The following GARNL3 variants were observed in gnomAD, a reference collection of about 807,000 sequenced individuals.
GARNL3 encodes the protein GTPase activating Rap/RanGAP domain like 3, also known as GTPase-activating Rap/Ran-GAP domain-like protein 3.
GARNL3 carries 63 observed loss-of-function variants against 125.0 expected under a neutral mutation model. That is an observed-to-expected ratio of 0.50 (90% CI 0.41 to 0.62). GARNL3 has a LOEUF of 0.62. Ranked by LOEUF, GARNL3 falls within the 20% of genes least tolerant of loss-of-function variation. The probability of loss-of-function intolerance (pLI) is 0.00; values close to 1 mark genes in which losing one functional copy is unlikely to be tolerated. For missense variants in GARNL3, 994 were observed against 1,244.0 expected (o/e 0.80, Z 3.02); for synonymous variants, 439 against 457.5 (o/e 0.96, Z 0.52).
intron 2 of GARNL3, among the ~76,000 whole-genome samples, 187 bp from the exon 3 acceptor site, chr9:127,311,449 G>C (rs2065096105): frequency 1.3e-5 from 2 of 152,114 alleles, no homozygotes; most frequent in Admixed American, 1.3e-4. Flanking sequence ...CACCCCAAAG[G>C]CCTCCTGGAT....
At chr9:127,368,495 C>T (rs1295267052) in intron 22 of GARNL3, among the ~76,000 whole-genome samples, 1 of 151,326 alleles carries the variant, frequency 6.6e-6, no homozygotes, top group Non-Finnish European at 1.5e-5. Flanking sequence ...CACACCCGGC[C>T]AATTTTGTAT....
At chr9:127,286,378 A>G (rs1417278145) in intron 1 of GARNL3, among the ~76,000 whole-genome samples, 1 of 152,184 alleles carries the variant, frequency 6.6e-6, no homozygotes, top group Non-Finnish European at 1.5e-5. Flanking sequence ...TTAGTAGAGA[A>G]CCTTGCTAGA....
intron 12 of GARNL3, 80 bp downstream of exon 12, chr9:127,338,241 A>T (rs1829661688): frequency 9.1e-7 from 1 of 1,103,830 alleles, no homozygotes; most frequent in African/African-American, 1.5e-5. Context: ...AAGACTCTTG[A>T]TATACATATT....
At chr9:127,244,581 G>T (rs2063263988) in intron 2 of GARNL3, among the ~76,000 whole-genome samples, 1 of 152,202 alleles carries the variant, frequency 6.6e-6, no homozygotes, top group Non-Finnish European at 1.5e-5. Flanking sequence ...TGTGGTAGAC[G>T]TTGAGAAACG....
chr9:127,259,588 T>C (rs1478191787), upstream of GARNL3, among the ~76,000 whole-genome samples: 1 of 152,212 alleles, frequency 6.6e-6, no homozygotes, highest in Non-Finnish European at 1.5e-5. Context: ...TCCTCAGCGC[T>C]GCCCTGGGAA....
chr9:127,335,121 T>C, intron 9 of GARNL3, 109 bp from the exon 10 acceptor site: 1 of 756,124 alleles, frequency 1.3e-6, no homozygotes, highest in Non-Finnish European at 2.3e-6. Context: ...ATAATCCAAA[T>C]ATCTTGGAGA....
chr9:127,383,541 A>C lies in GARNL3; in HGVS notation c.2265A>C (p.Ala755=). The change falls in exon 23 of 28, where the codon GCA becomes GCC. Residue 755 remains alanine, a synonymous_variant. Transcript: ENST00000373387. The part of the protein sequence containing the change: ...FQFCWNQAPY[A]IVCAFPYLLA... ...TCTGTTGGAACCAGGCTCCCTATGC[A>C]ATTGGTAAGAAAAGTCTTTATCATA... 1 of 1,603,670 alleles carries C rather than the reference A, an allele frequency of 6.2e-7. No individual in the cohort carries two copies. Among genetic ancestry groups the C allele is most frequent in the Non-Finnish European group, 8.5e-7 (1 of 1,172,654 alleles).
intron 1 of GARNL3, among the ~76,000 whole-genome samples, chr9:127,275,859 G>A (rs1424356783): frequency 6.6e-6 from 1 of 152,004 alleles, no homozygotes; most frequent in Non-Finnish European, 1.5e-5. Context: ...CTTTTTAATT[G>A]GTCTATTGCA....
At chr9:127,331,697 A>G (rs1829250463) in intron 7 of GARNL3, among the ~76,000 whole-genome samples, 1 of 84,182 alleles carries the variant, frequency 1.2e-5, no homozygotes, top group African/African-American at 4.1e-5. Context: ...TGTACCAGCT[A>G]CTGCTTGCTT....
chr9:127,300,272 CA>C, intron 2 of GARNL3: 1 of 252,690 alleles, frequency 4.0e-6, no homozygotes, highest in Non-Finnish European at 8.2e-6. Context: ...AGATCAATTT[CA>C]AAAGTTAGAG....
At chr9:127,339,506 A>G (rs1448779161) in intron 12 of GARNL3, 139 bp from the exon 13 acceptor site, 2 of 643,008 alleles carry the variant, frequency 3.1e-6, no homozygotes, top group Non-Finnish European at 5.6e-6. Context: ...ACTGGCCCCC[A>G]TGATTCAGTT....
chr9:127,315,212 A>C (rs2065207001), intron 4 of GARNL3, among the ~76,000 whole-genome samples: 1 of 152,230 alleles, frequency 6.6e-6, no homozygotes, highest in Admixed American at 6.5e-5. Context: ...GCATTGGCAC[A>C]AGGGGTCAGT....
intron 1 of GARNL3, among the ~76,000 whole-genome samples, chr9:127,239,668 G>T (rs895739079): frequency 2.0e-5 from 3 of 152,138 alleles, no homozygotes; most frequent in African/African-American, 7.2e-5. Flanking sequence ...TTTAAATAGT[G>T]AGAAGATAAA....
chr9:127,358,966 T>G, intron 21 of GARNL3, among the ~76,000 whole-genome samples: 1 of 152,040 alleles, frequency 6.6e-6, no homozygotes, highest in South Asian at 2.1e-4. Context: ...TATCAGAATC[T>G]GGGGGGGTGT....
In GARNL3 at chr9:127,354,307, C is replaced by T. The variant is rs770479550; in HGVS notation, c.1656C>T (p.Arg552=). The T allele has an allele frequency of 6.2e-7, 1 of 1,613,246 alleles. No individual in the cohort carries two copies. The highest frequency in any genetic ancestry group is 2.2e-5 in the East Asian group (1 of 44,878). ...VLRADKGKDA[R]LFVFRLSALQ... ...TTATGTCACCAGGAAAAGATGCTCG[C>T]CTCTTTGTCTTCAGGCTAAGTGCTC... Residue 552 remains arginine, a synonymous_variant, in exon 19 of 28, where the codon CGC becomes CGT. Coordinates refer to ENST00000373387, the MANE Select transcript of GARNL3 (RefSeq NM_032293.5).
intron 2 of GARNL3, chr9:127,300,467 AT>A: frequency 2.5e-6 from 1 of 406,146 alleles, no homozygotes; most frequent in Non-Finnish European, 4.8e-6. Flanking sequence ...GTTTGGGTGA[AT>A]TTTCTTTTTT....
chr9:127,258,990 C>T (rs181224146), upstream of GARNL3, among the ~76,000 whole-genome samples: 17 of 152,300 alleles, frequency 1.1e-4, no homozygotes, highest in East Asian at 1.4e-3. Flanking sequence ...TCTCCCTTGT[C>T]GCTGTTGCCC....
chr9:127,252,693 G>T (rs2063427400), intron 2 of GARNL3, among the ~76,000 whole-genome samples: 1 of 152,138 alleles, frequency 6.6e-6, no homozygotes. Context: ...TTAAGTTTAA[G>T]TTCAAGTTCT....
rs374773017 is a variant in GARNL3, at chr9:127,240,561, G to A, written c.-28-2518G>A. Among the ~76,000 whole-genome samples, 209 of 152,280 alleles carry A rather than the reference G, an allele frequency of 1.4e-3. 5 individuals carry two copies. In the South Asian group the frequency reaches 0.043, roughly 31 times the overall value. On this transcript the variant is annotated intron_variant, in intron 1 of 10. Transcript: ENST00000439286. The stretch of plus-strand genomic sequence containing the variant: ...TGAGCAGCAGTGTCCAAAATATAAA[G>A]CAACCTACATATGTGACTTTACATT...
Sources: gnomAD v4.1 joint callset for allele counts (sites outside exome capture counted in the v4.1 genomes callset) on GRCh38, gnomAD v4.1.1 for gene constraint, MANE v1.5 for transcripts, NCBI Gene and HGNC (gene_info 2026-07-23, HGNC 2026-07-21) for gene names.